Variants in WASHC3 observed in about 807,000 individuals in gnomAD.
WASHC3 encodes WASH complex subunit 3, also known as WASH complex subunit CCDC53.
In WASHC3, 24 loss-of-function variants were observed where a neutral mutation model predicts 26.1. That is an observed-to-expected ratio of 0.92 (90% CI 0.66 to 1.29). The LOEUF is 1.29. Among genes scored for constraint, WASHC3 ranks in the 50% most tolerant of loss-of-function variants. WASHC3 has a pLI of 0.00. For synonymous variants in WASHC3, 77 were observed against 75.7 expected (o/e 1.02, Z -0.09); for missense variants, 214 against 229.6 (o/e 0.93, Z 0.44).
intron 1 of WASHC3, among the ~76,000 whole-genome samples, 179 bp downstream of exon 1, chr12:102,061,733 G>C (rs1339357308): frequency 2.0e-5 from 3 of 152,158 alleles, no homozygotes; most frequent in Admixed American, 1.3e-4. Context: ...ATCAGCTCAG[G>C]AGGGACCCCA....
chr12:102,050,547 G>A (rs866724089), intron 2 of WASHC3: 2 of 452,148 alleles, frequency 4.4e-6, no homozygotes, highest in Middle Eastern at 5.9e-4. Context: ...GGAGGCTGAG[G>A]TGGGAGGATC....
chr12:102,048,893 CT>C (rs1425226733), intron 2 of WASHC3, among the ~76,000 whole-genome samples: 2 of 152,172 alleles, frequency 1.3e-5, no homozygotes, highest in African/African-American at 4.8e-5. Context: ...GAAAGAACTA[CT>C]TTTCAAAGAT....
intron 5 of WASHC3, among the ~76,000 whole-genome samples, chr12:102,029,813 T>C (rs1877355879): frequency 6.6e-6 from 1 of 152,174 alleles, no homozygotes; most frequent in Non-Finnish European, 1.5e-5. Context: ...AAAATAGATC[T>C]ATTGAATACG....
At chr12:102,032,174 T>A (rs1244039782) in intron 5 of WASHC3, among the ~76,000 whole-genome samples, 1 of 152,074 alleles carries the variant, frequency 6.6e-6, no homozygotes, top group Non-Finnish European at 1.5e-5. Flanking sequence ...CAGGCCAACA[T>A]CCACCACTGG....
chr12:102,038,794 G>A (rs1032224350), intron 5 of WASHC3, among the ~76,000 whole-genome samples: 5 of 152,080 alleles, frequency 3.3e-5, no homozygotes, highest in African/African-American at 1.2e-4. Context: ...TAGGAAAAGT[G>A]CAGCTTCCAA....
chr12:102,048,213 A>C (rs1270870915), intron 2 of WASHC3: 1 of 152,138 alleles, frequency 6.6e-6, no homozygotes, highest in African/African-American at 2.4e-5. Flanking sequence ...GATGAGAGAA[A>C]AAATTCTACC....
intron 3 of WASHC3, among the ~76,000 whole-genome samples, chr12:102,044,909 C>A (rs974473962): frequency 3.9e-5 from 6 of 152,100 alleles, no homozygotes; most frequent in Non-Finnish European, 8.8e-5. Context: ...ATCCTGATAT[C>A]AATGACACGC....
chr12:102,057,072 T>G (rs1347524306), intron 2 of WASHC3, among the ~76,000 whole-genome samples: 1 of 152,066 alleles, frequency 6.6e-6, no homozygotes, highest in Non-Finnish European at 1.5e-5. Context: ...TTCACCAGGA[T>G]CAAGTCAGAT....
chr12:102,030,997 G>A (rs945716071), intron 5 of WASHC3, among the ~76,000 whole-genome samples: 8 of 152,018 alleles, frequency 5.3e-5, no homozygotes, highest in Admixed American at 2.0e-4. Flanking sequence ...ATTTAATGTC[G>A]TTTCAACATT....
chr12:102,030,295 C>CAAAAAAAAAAAAA (rs57056667), intron 5 of WASHC3, among the ~76,000 whole-genome samples: 1 of 89,136 alleles, frequency 1.1e-5, no homozygotes, highest in African/African-American at 4.1e-5. Context: ...AACTCCATCT[C>CAAAAAAAAAAAAA]AAAAAAAAAA....
intron 2 of WASHC3, among the ~76,000 whole-genome samples, chr12:102,056,505 T>C (rs938399434): frequency 2.6e-5 from 4 of 152,212 alleles, no homozygotes; most frequent in Non-Finnish European, 4.4e-5. Flanking sequence ...TACATCTTGA[T>C]TATGGTATGA....
At chr12:102,047,716 T>C (rs1306777819) in intron 2 of WASHC3, among the ~76,000 whole-genome samples, 7 of 152,206 alleles carry the variant, frequency 4.6e-5, no homozygotes, top group Non-Finnish European at 8.8e-5. Context: ...ATTGGTTTGA[T>C]TGAAGGAAAC....
intron 4 of WASHC3, among the ~76,000 whole-genome samples, chr12:102,041,546 A>T (rs934285657): frequency 1.3e-5 from 2 of 152,078 alleles, no homozygotes; most frequent in Non-Finnish European, 2.9e-5. Context: ...ACTCATGTAT[A>T]GATTAGAGAG....
intron 5 of WASHC3, among the ~76,000 whole-genome samples, chr12:102,027,752 T>C (rs1356259764): frequency 6.6e-6 from 1 of 152,144 alleles, no homozygotes; most frequent in Admixed American, 6.6e-5. Context: ...AGTTTACAGG[T>C]TACTTAGAAG....
chr12:102,053,872 T>C (rs989171105), intron 2 of WASHC3, among the ~76,000 whole-genome samples: 2 of 152,044 alleles, frequency 1.3e-5, no homozygotes, highest in Non-Finnish European at 2.9e-5. Flanking sequence ...GACAAAACTA[T>C]TAAAAATAAT....
chr12:102,038,538 GTTGTTGTTGTTGTTT>G (rs1308667333), intron 5 of WASHC3, among the ~76,000 whole-genome samples: 8 of 152,048 alleles, frequency 5.3e-5, no homozygotes, highest in African/African-American at 1.9e-4. Flanking sequence ...TGTTGTTGTT[GTTGTTGTTGTTGTTT>G]TTTAACAAGT....
At chr12:102,050,418 G>C (rs1001057602) in intron 2 of WASHC3, 1 of 408,542 alleles carries the variant, frequency 2.4e-6, no homozygotes. Context: ...AAGAGTTGGA[G>C]ACCAGCCTAG....
intron 6 of WASHC3, among the ~76,000 whole-genome samples, chr12:102,023,065 A>G (rs1436379771): frequency 6.6e-6 from 1 of 151,952 alleles, no homozygotes; most frequent in Non-Finnish European, 1.5e-5. Context: ...AAAACAAACA[A>G]TCACTTAGAA....
At chr12:102,015,229 T>C (rs1169645157) in intron 6 of WASHC3, among the ~76,000 whole-genome samples, 1 of 151,952 alleles carries the variant, frequency 6.6e-6, no homozygotes, top group East Asian at 1.9e-4. Context: ...GGGCAGAGGC[T>C]GCAGTAAGCT....
Sources: gnomAD v4.1 joint callset for allele counts (sites outside exome capture counted in the v4.1 genomes callset) on GRCh38, gnomAD v4.1.1 for gene constraint, MANE v1.5 for transcripts, NCBI Gene and HGNC (gene_info 2026-07-23, HGNC 2026-07-21) for gene names.